The following CCDC88A variants were observed in gnomAD, a reference collection of about 807,000 sequenced individuals.
CCDC88A encodes the protein girdin.
In CCDC88A, 54 loss-of-function variants were observed where a neutral mutation model predicts 234.3. The ratio of observed to expected loss-of-function variants is 0.23; its 90% CI spans 0.19 to 0.29. CCDC88A has a LOEUF of 0.29. Ranked by LOEUF, CCDC88A falls within the 10% of genes least tolerant of loss-of-function variation. The probability of loss-of-function intolerance (pLI) is 1.00; values close to 1 mark genes in which losing one functional copy is unlikely to be tolerated. For missense variants in CCDC88A, 1,832 were observed against 2,123.4 expected (o/e 0.86, Z 2.70); for synonymous variants, 753 against 737.8 (o/e 1.02, Z -0.33).
At chr2:55,387,779 CAAAAA>C (rs66479611) in intron 3 of CCDC88A, among the ~76,000 whole-genome samples, 1 of 64,852 alleles carries the variant, frequency 1.5e-5, no homozygotes, top group African/African-American at 5.5e-5. Context: ...GGCTCCATCT[CAAAAA>C]AAAAAAAAAA....
intron 2 of CCDC88A, among the ~76,000 whole-genome samples, chr2:55,416,435 AATAAATAAATATATATAT>A (rs1355989001): frequency 1.4e-4 from 4 of 29,626 alleles, no homozygotes; most frequent in African/African-American, 4.3e-4. Context: ...CAAATAAATA[AATAAATAAATATATATAT>A]ATATATATAT....
chr2:55,322,735 AC>A, intron 17 of CCDC88A, 43 bp from the exon 18 acceptor site: 2 of 1,071,322 alleles, frequency 1.9e-6, no homozygotes, highest in Non-Finnish European at 2.7e-6. Flanking sequence ...GAAAAAAATC[AC>A]CACAGTTACA....
rs1175978442 is a variant in CCDC88A, at chr2:55,309,394, T to G, written c.4080-140A>C. ...ACCATGGTTGGCAACTAAGATTTCA[T>G]CAGGTAGTTAACAATGGGAATTTTT... is the stretch of plus-strand genomic sequence containing the variant. On this transcript the variant is annotated intron_variant, in intron 23 of 32. Coordinates refer to ENST00000436346, the MANE Select transcript of CCDC88A (RefSeq NM_001365480.1). The surrounding 1 kb of genome is among the most constrained non-coding windows in gnomAD (Gnocchi z 5.1). 2.1e-6 allele frequency: 1 copy of G among 469,710 alleles called. No individual in the cohort carries two copies. Among genetic ancestry groups the G allele is most frequent in the Non-Finnish European group, 3.8e-6 (1 of 263,714 alleles). The allele number at this position is 469,710 out of a possible 1,614,324, so 29.1% of individuals were successfully genotyped here.
chr2:55,339,884 T>C (rs750245077), intron 12 of CCDC88A: 1 of 347,516 alleles, frequency 2.9e-6, no homozygotes, highest in Non-Finnish European at 5.1e-6. Context: ...CAGGCTGGAG[T>C]GCAGTGATGT....
At chr2:55,298,049 T>C (rs772871589) in intron 29 of CCDC88A, among the ~76,000 whole-genome samples, 4 of 152,190 alleles carry the variant, frequency 2.6e-5, no homozygotes, top group East Asian at 1.9e-4. Context: ...AAAGACTCAG[T>C]TGACATTAAG....
intron 7 of CCDC88A, among the ~76,000 whole-genome samples, chr2:55,358,692 T>C (rs1670900894): frequency 6.6e-6 from 1 of 152,134 alleles, no homozygotes; most frequent in South Asian, 2.1e-4. Context: ...TAATAGATAA[T>C]CCTTACTTAA....
intron 7 of CCDC88A, among the ~76,000 whole-genome samples, chr2:55,361,366 T>C (rs543507377): frequency 6.6e-6 from 1 of 152,316 alleles, no homozygotes; most frequent in Non-Finnish European, 1.5e-5. Context: ...TTCCTTCCTT[T>C]GGTCTCAAAG....
intron 12 of CCDC88A, among the ~76,000 whole-genome samples, chr2:55,340,709 C>T (rs942219336): frequency 1.1e-4 from 17 of 152,206 alleles, no homozygotes; most frequent in South Asian, 4.1e-4. Context: ...ATTCTGAACA[C>T]GCTGAAATTA....
intron 2 of CCDC88A, among the ~76,000 whole-genome samples, chr2:55,409,253 C>A (rs1680078064): frequency 6.6e-6 from 1 of 152,166 alleles, no homozygotes; most frequent in African/African-American, 2.4e-5. Context: ...CTTCATGCCT[C>A]TTTTTCATGC....
intron 14 of CCDC88A, among the ~76,000 whole-genome samples, chr2:55,336,221 CAATT>C (rs1014298121): frequency 5.3e-5 from 8 of 152,022 alleles, no homozygotes; most frequent in African/African-American, 1.9e-4. Flanking sequence ...AAAAATAAGT[CAATT>C]AATCTATGCA....
chr2:55,293,578 A>AT (rs1196385600), intron 31 of CCDC88A: 2 of 151,734 alleles, frequency 1.3e-5, no homozygotes, highest in African/African-American at 2.4e-5. Context: ...TTCTCTACAG[A>AT]TTTTTTCTTT....
At chr2:55,342,508 C>G (rs942913639) in intron 12 of CCDC88A, among the ~76,000 whole-genome samples, 4 of 152,176 alleles carry the variant, frequency 2.6e-5, no homozygotes, top group African/African-American at 9.7e-5. Flanking sequence ...TAAGGAAACT[C>G]TTAACTAACA....
At chr2:55,395,444 G>C (rs1040245240) in intron 2 of CCDC88A, among the ~76,000 whole-genome samples, 1 of 152,090 alleles carries the variant, frequency 6.6e-6, no homozygotes, top group African/African-American at 2.4e-5. Context: ...CTCTGTCACA[G>C]GTCTTCCAAT....
intron 18 of CCDC88A, among the ~76,000 whole-genome samples, chr2:55,322,308 A>G (rs1482087186): frequency 2.0e-5 from 3 of 152,330 alleles, no homozygotes; most frequent in East Asian, 3.9e-4. Context: ...ATGATATGCT[A>G]CCCAAATGCT....
chr2:55,318,706 A>G (rs1394560176), intron 19 of CCDC88A, 137 bp downstream of exon 19: 3 of 578,054 alleles, frequency 5.2e-6, no homozygotes, highest in Admixed American at 3.5e-5. Flanking sequence ...AAAATTTGGC[A>G]TGGCACTAAA....
intron 10 of CCDC88A, chr2:55,345,491 G>A (rs1037574962): frequency 3.3e-5 from 5 of 152,370 alleles, no homozygotes; most frequent in African/African-American, 9.7e-5. Context: ...CCACCTCCTC[G>A]GTTCAAGCGA....
rs1260925874 is a variant in CCDC88A at position 55,332,458 on chromosome 2, T to C, written c.2855+108A>G. 9 of 1,434,230 alleles carry C rather than the reference T, an allele frequency of 6.3e-6. No individual in the cohort carries two copies. The African/African-American group carries it at 1.3e-4, about 21-fold the overall frequency. The allele number at this position is 1,434,230 out of a possible 1,614,324, so 88.8% of individuals were successfully genotyped here. A position where few individuals can be genotyped will look rare whatever the true frequency, so the allele number is the denominator to read the frequency against. On this transcript the variant is annotated intron_variant, in intron 16 of 32. Transcript: ENST00000436346. This position sits in a 1 kb window ranked among gnomAD's most constrained non-coding sequence, Gnocchi z 4.5. ...CTTAAGGGAAGGAAGGAACCAGAAA[T>C]AGGGTGAAATATATAAATGTTTTCT... is the stretch of plus-strand genomic sequence containing the variant.
chr2:55,301,215 T>C lies in CCDC88A; in HGVS notation c.4735A>G (p.Arg1579Gly), dbSNP rs541597442. Residue 1579 changes from arginine to glycine, a missense_variant, in exon 28 of 33, where the codon AGA becomes GGA. Arg to Gly is a moderately radical substitution (Grantham distance 125). Transcript: ENST00000436346. ...GVSDDSSTGS[R>G]VHASRPASLD... ...AGGTTCATTATCTTACCATGAACTC[T>C]TGATCCCGTACTAGAATCATCACTA... 2.5e-6 allele frequency: 4 copies of C among 1,587,088 alleles called. No individual in the cohort carries two copies. Among genetic ancestry groups the C allele is most frequent in the Admixed American group, 3.4e-5 (2 of 58,970 alleles).
chr2:55,383,731 A>G (rs1367141686), intron 3 of CCDC88A, among the ~76,000 whole-genome samples: 1 of 152,150 alleles, frequency 6.6e-6, no homozygotes, highest in African/African-American at 2.4e-5. Flanking sequence ...TAAGTTTTCT[A>G]CAGTCGTTCC....
Sources: gnomAD v4.1 joint callset for allele counts (sites outside exome capture counted in the v4.1 genomes callset) on GRCh38, gnomAD v4.1.1 for gene constraint, Gnocchi (gnomAD v3.1) non-coding constraint, MANE v1.5 for transcripts, NCBI Gene and HGNC (gene_info 2026-07-23, HGNC 2026-07-21) for gene names.